DCC: variants seen among roughly 807,000 people sequenced by gnomAD.
DCC encodes the protein DCC netrin 1 receptor, also known as netrin receptor DCC.
DCC carries 58 observed loss-of-function variants against 172.5 expected under a neutral mutation model. The observed-to-expected ratio is 0.34, with a 90% CI of 0.27 to 0.42. DCC has a LOEUF of 0.42. DCC is among the 10% of genes least tolerant of loss of function. The pLI is 1.00. For synonymous variants in DCC, 709 were observed against 644.5 expected, an observed-to-expected ratio of 1.10 and a Z score of -1.52; for missense variants, 1,740 against 1,791.0, an observed-to-expected ratio of 0.97 and a Z score of 0.51.
At chr18:53,215,492 T>C (rs2055831786) in intron 11 of DCC, 56 bp from the exon 12 acceptor site, 1 of 1,316,696 alleles carries the variant, frequency 7.6e-7, no homozygotes, top group African/African-American at 1.4e-5. Context: ...AGACAGGTGG[T>C]ATTTTTCTTT....
chr18:52,509,414 C>G (rs1375751365), intron 1 of DCC, among the ~76,000 whole-genome samples: 1 of 152,152 alleles, frequency 6.6e-6, no homozygotes, highest in African/African-American at 2.4e-5. Context: ...CGTATTACAT[C>G]TTATATTTCC....
At chr18:52,854,260 G>A (rs1361898627) in intron 2 of DCC, among the ~76,000 whole-genome samples, 2 of 151,992 alleles carry the variant, frequency 1.3e-5, no homozygotes, top group Non-Finnish European at 2.9e-5. Context: ...TTTATTCAAG[G>A]CCCATTTATT....
chr18:52,976,423 G>C (rs2041119412), intron 5 of DCC, among the ~76,000 whole-genome samples: 1 of 151,976 alleles, frequency 6.6e-6, no homozygotes, highest in Non-Finnish European at 1.5e-5. Flanking sequence ...ATATTTTCCT[G>C]TATCTGTGTC....
At chr18:53,186,117 C>G (rs1419346277) in intron 9 of DCC, among the ~76,000 whole-genome samples, 1 of 152,116 alleles carries the variant, frequency 6.6e-6, no homozygotes, top group African/African-American at 2.4e-5. Flanking sequence ...TTTGAGCACA[C>G]AGTACGATTC....
At chr18:53,068,576 G>A (rs1217356893) in intron 7 of DCC, among the ~76,000 whole-genome samples, 1 of 151,924 alleles carries the variant, frequency 6.6e-6, no homozygotes, top group Non-Finnish European at 1.5e-5. Context: ...AAGTGACTTC[G>A]TGTTTCTAAA....
At chr18:53,382,323 A>G (rs992176711) in intron 15 of DCC, among the ~76,000 whole-genome samples, 16 of 152,226 alleles carry the variant, frequency 1.1e-4, no homozygotes, top group Middle Eastern at 3.4e-3. Flanking sequence ...CCATCCTGCA[A>G]TAACTCAAAA....
chr18:53,073,842 A>G (rs1029953485), intron 7 of DCC, among the ~76,000 whole-genome samples: 3 of 151,412 alleles, frequency 2.0e-5, no homozygotes, highest in Non-Finnish European at 4.4e-5. Context: ...TTCCTTATCA[A>G]TATAAGAAGA....
At chr18:52,844,275 G>T (rs1180090251) in intron 2 of DCC, among the ~76,000 whole-genome samples, 1 of 151,632 alleles carries the variant, frequency 6.6e-6, no homozygotes, top group African/African-American at 2.4e-5. Flanking sequence ...ACCAGTGTCT[G>T]TTAAGAAGGA....
intron 2 of DCC, among the ~76,000 whole-genome samples, chr18:52,793,241 T>G (rs9945658): frequency 0.043 from 6,564 of 152,268 alleles, 220 homozygotes; most frequent in South Asian, 0.16. Context: ...TGTCTGTTCT[T>G]TATTGTACAA....
At chr18:53,336,945 T>G (rs917895009) in intron 14 of DCC, among the ~76,000 whole-genome samples, 2 of 152,144 alleles carry the variant, frequency 1.3e-5, no homozygotes, top group African/African-American at 4.8e-5. Context: ...CGTACTAACA[T>G]TTTTTTTCTA....
intron 5 of DCC, among the ~76,000 whole-genome samples, chr18:53,008,189 G>T (rs1267205108): frequency 6.6e-6 from 1 of 152,010 alleles, no homozygotes; most frequent in Non-Finnish European, 1.5e-5. Flanking sequence ...TGTTGAAATT[G>T]CTCTGCTAAT....
In DCC at chr18:52,653,855, C is replaced by G. The variant is rs149209732; in HGVS notation, c.92-98199C>G. 1.4e-3 allele frequency among the ~76,000 whole-genome samples: 220 copies of G among 152,266 alleles called. 6 individuals are homozygous for G. In the East Asian group the frequency reaches 0.037, roughly 26 times the overall value. On this transcript the variant is annotated intron_variant, in intron 1 of 28. Transcript: ENST00000442544. ...TGCTTCACTTTTGTTGCCCAGTGGA[C>G]CATATGCAGTAGTGAGTTTTAATCT...
Position 52,642,317 on chromosome 18 carries a change from C to T in DCC, c.92-109737C>T, listed in dbSNP as rs146518785. Among the ~76,000 whole-genome samples, 483 of 150,406 alleles carry T rather than the reference C, an allele frequency of 3.2e-3. 2 individuals carry two copies. Among genetic ancestry groups the T allele is most frequent in the African/African-American group, 0.011 (431 of 40,728 alleles). On this transcript the variant is annotated intron_variant, in intron 1 of 28. Coordinates refer to ENST00000442544, the MANE Select transcript of DCC (RefSeq NM_005215.4). ...ATGATGCAATGGGCTTTGGGGAATT[C>T]GGGGGAAGAGTGGGAGGGGGGCAAG...
chr18:52,563,708 G>T lies in DCC; in HGVS notation c.92-188346G>T, dbSNP rs181573046. ...CTATATTGCTTTAAAAATTATGCAGGTAGATTTTTCCCTGGAACTATATAG... is the reference window on the plus strand; with the variant it reads ...CTATATTGCTTTAAAAATTATGCAGTTAGATTTTTCCCTGGAACTATATAG... On this transcript the variant is annotated intron_variant, in intron 1 of 28. Coordinates refer to ENST00000442544, the MANE Select transcript of DCC (RefSeq NM_005215.4). 1.9e-3 allele frequency among the ~76,000 whole-genome samples: 287 copies of T among 152,218 alleles called. 5 individuals are homozygous for T. The highest frequency in any genetic ancestry group is 6.9e-3 in the African/African-American group (285 of 41,530).
At chr18:52,485,045 GC>G (rs2144591208) in intron 1 of DCC, among the ~76,000 whole-genome samples, 1 of 152,108 alleles carries the variant, frequency 6.6e-6, no homozygotes, top group African/African-American at 2.4e-5. Flanking sequence ...TTGTCTTCTT[GC>G]CTTTAAGACT....
At chr18:52,647,167 C>T (rs1034435055) in intron 1 of DCC, among the ~76,000 whole-genome samples, 4 of 152,144 alleles carry the variant, frequency 2.6e-5, no homozygotes, top group African/African-American at 9.7e-5. Context: ...ACATGCCAGA[C>T]AGTAAAGGGG....
At chr18:53,445,985 G>A (rs1215606057) in intron 22 of DCC, among the ~76,000 whole-genome samples, 1 of 150,658 alleles carries the variant, frequency 6.6e-6, no homozygotes, top group Non-Finnish European at 1.5e-5. Context: ...ACATTGGGTG[G>A]ACCTGGTCGT....
chr18:53,430,574 A>G (rs10163926), intron 21 of DCC, among the ~76,000 whole-genome samples: 65,735 of 152,082 alleles, frequency 0.43, 15,996 homozygotes, highest in Non-Finnish European at 0.56. Context: ...TGCTGCAAAT[A>G]AGGATTTAAT....
At chr18:52,784,221 C>T (rs191023210) in intron 2 of DCC, among the ~76,000 whole-genome samples, 1 of 150,796 alleles carries the variant, frequency 6.6e-6, no homozygotes, top group East Asian at 1.9e-4. Context: ...ACATAGCGAC[C>T]TCCATTTCTG....
Sources: allele counts gnomAD v4.1 joint callset (sites outside exome capture counted in the v4.1 genomes callset), GRCh38; gene constraint gnomAD v4.1.1; transcripts MANE v1.5; gene names NCBI Gene and HGNC (gene_info 2026-07-23, HGNC 2026-07-21).